RBM23: variants seen among roughly 807,000 people sequenced by gnomAD.
RBM23 encodes probable RNA-binding protein 23.
A neutral mutation model predicts 56.2 loss-of-function variants in RBM23; 53 were observed. That is an observed-to-expected ratio of 0.94 (90% CI 0.76 to 1.19). The LOEUF (loss-of-function observed/expected upper bound fraction) is 1.19, where lower values mean the gene tolerates loss of function less well. Ranked by LOEUF, RBM23 falls within the 50% of genes most tolerant of loss-of-function variation. RBM23 has a pLI of 0.00. For missense variants in RBM23, 642 were observed against 590.3 expected, an observed-to-expected ratio of 1.09 and a Z score of -0.91; for synonymous variants, 197 against 198.5, an observed-to-expected ratio of 0.99 and a Z score of 0.06.
intron 4 of RBM23, among the ~76,000 whole-genome samples, chr14:22,907,667 T>C (rs1174930691): frequency 6.6e-6 from 1 of 152,244 alleles, no homozygotes; most frequent in African/African-American, 2.4e-5. Flanking sequence ...GTATTTACTA[T>C]ATTTATCATT....
At chr14:22,913,350 C>T (rs927951337) in intron 1 of RBM23, among the ~76,000 whole-genome samples, 4 of 147,678 alleles carry the variant, frequency 2.7e-5, no homozygotes, top group African/African-American at 1.0e-4. Context: ...GGAGGCAGAG[C>T]TTGCAGTGAG....
Position 22,894,263 on chromosome 14 carries a change from A to G in RBM23, c.*7467T>C, listed in dbSNP as rs4982703. ...GTCTACAAAGTCCAACGTGCCTTCC[A>G]TAGGACTCACGGGTAACACTTTTTT... On this transcript the variant is annotated 3_prime_UTR_variant, in exon 14 of 14. Coordinates refer to ENST00000359890, the MANE Select transcript of RBM23 (RefSeq NM_001077351.2). 113,441 of 152,140 alleles carry G rather than the reference A, an allele frequency of 0.75. 42,639 individuals carry two copies. Among genetic ancestry groups the G allele is most frequent in the East Asian group, 0.99 (5,131 of 5,190 alleles). The allele number at this position is 152,140 out of a possible 1,614,324, so 9.4% of individuals were successfully genotyped here.
At chr14:22,908,652 C>T (rs1030895768) in intron 3 of RBM23, 2 of 335,884 alleles carry the variant, frequency 6.0e-6, no homozygotes, top group Non-Finnish European at 1.1e-5. Context: ...CCTCAGCCTC[C>T]CAAAGTGCTG....
In RBM23 at chr14:22,900,130, G is replaced by A. The variant is rs984458502; in HGVS notation, c.*1600C>T. Reference sequence around the variant, plus strand: ...TGTGTTATCCCAGGCAGAGCCACATGGAAAGCAGGAGTTGAGGGGACTGAC... The same window carrying A: ...TGTGTTATCCCAGGCAGAGCCACATAGAAAGCAGGAGTTGAGGGGACTGAC... On this transcript the variant is annotated 3_prime_UTR_variant, in exon 14 of 14. Transcript: ENST00000359890. The A allele has an allele frequency of 1.3e-5, 2 of 152,206 alleles. No individual in the cohort carries two copies. Among genetic ancestry groups the A allele is most frequent in the African/African-American group, 4.8e-5 (2 of 41,434 alleles). The allele number at this position is 152,206 out of a possible 1,614,324, so 9.4% of individuals were successfully genotyped here.
intron 1 of RBM23, among the ~76,000 whole-genome samples, chr14:22,914,688 G>A (rs573694855): frequency 6.6e-6 from 1 of 151,792 alleles, no homozygotes; most frequent in African/African-American, 2.4e-5. Flanking sequence ...TTTCATAACT[G>A]TAAGAACTTT....
chr14:22,902,007 C>T lies in RBM23; in HGVS notation c.1219G>A (p.Gly407Arg), dbSNP rs777510936. The part of the protein sequence containing the change: ...ALQLNGAVPL[G>R]ALNPAALTAL... Reference sequence around the variant, plus strand: ...GTCAGAGCTGCTGGATTCAGGGCCCCCAAGGGAACTGCTCCATTCAGTTGC... The same window carrying T: ...GTCAGAGCTGCTGGATTCAGGGCCCTCAAGGGAACTGCTCCATTCAGTTGC... The change falls in exon 12 of 14, where the codon GGG (glycine) becomes AGG (arginine). Residue 407 changes from glycine to arginine, a missense_variant. Transcript: ENST00000359890. 3 of 1,612,260 alleles carry T rather than the reference C, an allele frequency of 1.9e-6. No homozygotes were observed. The highest frequency in any genetic ancestry group is 1.1e-5 in the South Asian group (1 of 90,962).
At position 22,911,411 on chromosome 14, in the gene RBM23, G is replaced by A. The variant is rs941618855; in HGVS notation, c.-10-8C>T. The A allele has an allele frequency of 1.2e-6, 2 of 1,605,948 alleles. No individual in the cohort carries two copies. The highest frequency in any genetic ancestry group is 1.1e-5 in the South Asian group (1 of 90,676). ...GATGCCATCCTGTCAGATCTGGGGA[G>A]AGGATATTAATATGTAAGAATCTGT... On this transcript the variant is annotated splice_region_variant and splice_polypyrimidine_tract_variant and intron_variant, in intron 1 of 13. Transcript: ENST00000359890.
chr14:22,903,614 G>T, intron 10 of RBM23: 1 of 996,732 alleles, frequency 1.0e-6, no homozygotes, highest in Non-Finnish European at 1.2e-6. Context: ...GTCACTGTGG[G>T]AGTGTATGCT....
intron 3 of RBM23, 76 bp from the exon 4 acceptor site, chr14:22,908,456 A>G (rs1375810921): frequency 2.0e-6 from 3 of 1,500,008 alleles, no homozygotes; most frequent in East Asian, 5.0e-5. Flanking sequence ...GCAGTGGTGC[A>G]ATCTTGGCTC....
At position 22,908,578 on chromosome 14, in the gene RBM23, G is replaced by A. The variant is rs2041963060; in HGVS notation, c.180-198C>T. ...CAGCTAATTTTTTATATTTTTAGTA[G>A]AGACAAGGTTTCGCTATGTTGGCCA... On this transcript the variant is annotated intron_variant, in intron 3 of 13. Coordinates refer to ENST00000359890, the MANE Select transcript of RBM23 (RefSeq NM_001077351.2). 10 of 524,284 alleles carry A rather than the reference G, an allele frequency of 1.9e-5. No homozygotes were observed. In the East Asian group the frequency reaches 2.7e-4, roughly 14 times the overall value. 32.5% of individuals were successfully genotyped at this position (524,284 alleles called of 1,614,324 possible).
chr14:22,902,835 C>T (rs2040845214), intron 10 of RBM23: 2 of 932,942 alleles, frequency 2.1e-6, no homozygotes, highest in East Asian at 2.7e-4. Context: ...AGTGCAGTGG[C>T]ACCATGTCAG....
Position 22,905,096 on chromosome 14 carries a change from G to T in RBM23, c.724C>A (p.Gln242Lys). The stretch of plus-strand genomic sequence containing the variant: ...TGTCTGTTTCTCAGCCTGCTCACCT[G>T]TGAAGCCTGTACAATGATAGGCACT... ...LGVPIIVQASQAEKNRLAAMA... is the reference protein window; with the variant it reads ...LGVPIIVQASKAEKNRLAAMA... Residue 242 changes from glutamine to lysine, a missense_variant and splice_region_variant, in exon 8 of 14, where the codon CAG (glutamine) becomes AAG (lysine). By Grantham distance (53) the Gln-to-Lys change is moderately conservative (BLOSUM62 1). Transcript: ENST00000359890. The T allele has an allele frequency of 6.2e-7, 1 of 1,614,118 alleles. No individual in the cohort carries two copies. Among genetic ancestry groups the T allele is most frequent in the South Asian group, 1.1e-5 (1 of 91,074 alleles).
intron 1 of RBM23, among the ~76,000 whole-genome samples, chr14:22,914,210 A>T (rs2139109352): frequency 6.6e-6 from 1 of 151,928 alleles, no homozygotes; most frequent in Non-Finnish European, 1.5e-5. Context: ...CTGTTGTCCC[A>T]GCTACTCAGG....
intron 4 of RBM23, 120 bp from the exon 5 acceptor site, chr14:22,906,488 T>A: frequency 8.7e-7 from 1 of 1,148,462 alleles, no homozygotes. Context: ...AACCTAGTGA[T>A]GTTACAGCCA....
In RBM23 at chr14:22,900,142, T is replaced by C. The variant is rs557307353; in HGVS notation, c.*1588A>G. The stretch of plus-strand genomic sequence containing the variant: ...GGCAGAGCCACATGGAAAGCAGGAG[T>C]TGAGGGGACTGACAGAGGAACAACA... On this transcript the variant is annotated 3_prime_UTR_variant, in exon 14 of 14. Transcript: ENST00000359890. 6.6e-6 allele frequency: 1 copy of C among 151,818 alleles called. No individual in the cohort carries two copies. The highest frequency in any genetic ancestry group is 1.5e-5 in the Non-Finnish European group (1 of 67,970). The allele number at this position is 151,818 out of a possible 1,614,324, so 9.4% of individuals were successfully genotyped here.
In RBM23 at chr14:22,911,321, A is replaced by G. The variant is rs1162733508; in HGVS notation, c.66+7T>C. The G allele has an allele frequency of 1.9e-6, 3 of 1,613,144 alleles. No homozygotes were observed. Among genetic ancestry groups the G allele is most frequent in the East Asian group, 4.5e-5 (2 of 44,850 alleles). Reference sequence around the variant, plus strand: ...CCCAATTCCAGGAGTGAGGTGGAAAATATTACCTCTTCTTTTTTATAGGGA... The same window carrying G: ...CCCAATTCCAGGAGTGAGGTGGAAAGTATTACCTCTTCTTTTTTATAGGGA... On this transcript the variant is annotated splice_region_variant and intron_variant, in intron 2 of 13. Transcript: ENST00000359890.
chr14:22,916,705 T>A (rs1227705125), intron 1 of RBM23, among the ~76,000 whole-genome samples: 1 of 152,180 alleles, frequency 6.6e-6, no homozygotes, highest in East Asian at 1.9e-4. Context: ...TACTTTTAAA[T>A]ATATACTCAC....
At chr14:22,906,853 A>C (rs904351878) in intron 4 of RBM23, among the ~76,000 whole-genome samples, 1 of 152,134 alleles carries the variant, frequency 6.6e-6, no homozygotes, top group Non-Finnish European at 1.5e-5. Context: ...AGCCTGACCA[A>C]CATGGAGAAA....
chr14:22,909,337 A>C, intron 3 of RBM23, 146 bp downstream of exon 3: 3 of 686,468 alleles, frequency 4.4e-6, no homozygotes, highest in Non-Finnish European at 7.8e-6. Context: ...AAATCAAGTC[A>C]CCATTATTCT....
Sources: gnomAD v4.1 joint callset for allele counts (sites outside exome capture counted in the v4.1 genomes callset) on GRCh38, gnomAD v4.1.1 for gene constraint, MANE v1.5 for transcripts, NCBI Gene and HGNC (gene_info 2026-07-23, HGNC 2026-07-21) for gene names.